NAV1: variants seen among roughly 807,000 people sequenced by gnomAD.
The protein encoded by NAV1 is pore membrane and/or filament interacting like protein 3.
NAV1 carries 18 observed loss-of-function variants against 175.2 expected under a neutral mutation model. The ratio of observed to expected loss-of-function variants is 0.10; its 90% CI spans 0.07 to 0.15. The LOEUF (loss-of-function observed/expected upper bound fraction) is 0.15. NAV1 is among the 10% of genes least tolerant of loss of function. The probability of loss-of-function intolerance (pLI) is 1.00; values close to 1 mark genes in which losing one functional copy is unlikely to be tolerated. For missense variants in NAV1, 1,731 were observed against 2,436.6 expected (o/e 0.71, Z 6.10); for synonymous variants, 897 against 978.7 (o/e 0.92, Z 1.56).
chr1:201,651,505 A>G (rs1046828889), intron 1 of NAV1, among the ~76,000 whole-genome samples: 1 of 152,166 alleles, frequency 6.6e-6, no homozygotes, highest in Non-Finnish European at 1.5e-5. Flanking sequence ...TTCTCAAAGC[A>G]CACTGACACT....
intron 3 of NAV1, among the ~76,000 whole-genome samples, chr1:201,746,960 T>C (rs1673806561): frequency 6.7e-6 from 1 of 149,154 alleles, no homozygotes; most frequent in Middle Eastern, 3.5e-3. Context: ...GCTCCAGTCA[T>C]GCCAATGCAC....
chr1:201,826,092 C>T (rs1679654787), exon 30 of NAV1: 1 of 152,226 alleles, frequency 6.6e-6, no homozygotes, highest in East Asian at 1.9e-4. Flanking sequence ...TCAATTTTCC[C>T]TGTATGAGAA....
intron 1 of NAV1, among the ~76,000 whole-genome samples, chr1:201,681,058 T>G (rs1037466035): frequency 6.6e-6 from 1 of 152,164 alleles, no homozygotes; most frequent in Non-Finnish European, 1.5e-5. Context: ...ACTTCCCTCC[T>G]TCCAGTTCAC....
chr1:201,748,090 A>G (rs1004674868), intron 3 of NAV1, among the ~76,000 whole-genome samples: 2 of 152,198 alleles, frequency 1.3e-5, no homozygotes, highest in African/African-American at 4.8e-5. Flanking sequence ...AAAACTTCAT[A>G]AAGACTACTC....
intron 3 of NAV1, among the ~76,000 whole-genome samples, chr1:201,733,123 G>A (rs1198079900): frequency 6.6e-6 from 1 of 150,778 alleles, no homozygotes; most frequent in African/African-American, 2.4e-5. Flanking sequence ...GCTTATGCCT[G>A]TAATCCCAGC....
At chr1:201,595,378 T>A (rs755561641) in intron 2 of NAV1, among the ~76,000 whole-genome samples, 3 of 152,240 alleles carry the variant, frequency 2.0e-5, no homozygotes, top group Non-Finnish European at 2.9e-5. Context: ...TCCTTTCAAC[T>A]AAAGCTTTCT....
chr1:201,717,424 T>C (rs929166381), intron 2 of NAV1, among the ~76,000 whole-genome samples: 1 of 152,218 alleles, frequency 6.6e-6, no homozygotes, highest in African/African-American at 2.4e-5. Flanking sequence ...TAGATGGAAT[T>C]ATGGGTCTCA....
intron 2 of NAV1, among the ~76,000 whole-genome samples, chr1:201,716,482 T>C (rs1186970225): frequency 6.6e-6 from 1 of 152,156 alleles, no homozygotes; most frequent in East Asian, 1.9e-4. Flanking sequence ...TCGGGGCACA[T>C]CGGTTTCTGT....
chr1:201,804,379 G>A (rs1571509739), intron 16 of NAV1, 110 bp from the exon 21 acceptor site: 3 of 1,141,868 alleles, frequency 2.6e-6, no homozygotes, highest in Non-Finnish European at 2.5e-6. Context: ...CACACCCCCA[G>A]ACCTTTGTAT....
chr1:201,645,871 G>A (rs73084586), upstream of NAV1, among the ~76,000 whole-genome samples: 1 of 152,326 alleles, frequency 6.6e-6, no homozygotes, highest in East Asian at 1.9e-4. Flanking sequence ...TTTAGGAAAG[G>A]TGTGGTTCTC....
At chr1:201,608,894 A>C (rs1481252564) in intron 2 of NAV1, among the ~76,000 whole-genome samples, 2 of 152,180 alleles carry the variant, frequency 1.3e-5, no homozygotes, top group Admixed American at 1.3e-4. Context: ...GCTCAAGCAC[A>C]GTTTTAGCTT....
At chr1:201,760,921 T>C (rs1674796684) in intron 3 of NAV1, among the ~76,000 whole-genome samples, 1 of 152,202 alleles carries the variant, frequency 6.6e-6, no homozygotes. Context: ...TAGCATCCAA[T>C]ATTCTTCTCT....
At chr1:201,771,177 T>A (rs1265886308) in intron 3 of NAV1, among the ~76,000 whole-genome samples, 2 of 146,950 alleles carry the variant, frequency 1.4e-5, no homozygotes, top group Non-Finnish European at 3.0e-5. Context: ...AGGCAGAGCT[T>A]GCAGTGAGCC....
intron 2 of NAV1, among the ~76,000 whole-genome samples, chr1:201,610,663 G>A (rs1667818339): frequency 6.6e-6 from 1 of 152,216 alleles, no homozygotes; most frequent in Non-Finnish European, 1.5e-5. Context: ...GACACAGGCT[G>A]GGGTGGTGGA....
chr1:201,607,036 C>T (rs774227689), intron 2 of NAV1, among the ~76,000 whole-genome samples: 17 of 151,894 alleles, frequency 1.1e-4, no homozygotes, highest in Non-Finnish European at 2.1e-4. Context: ...GGATGTTTGT[C>T]GCACTGTTAT....
exon 25 of NAV1, chr1:201,811,614 G>C (rs921114294): frequency 3.1e-6 from 5 of 1,614,120 alleles, no homozygotes; most frequent in Non-Finnish European, 4.2e-6. Context: ...ATCTGCAACT[G>C]TATCTTTCCA....
chr1:201,632,777 A>T (rs1471589586), intron 2 of NAV1, among the ~76,000 whole-genome samples: 1 of 152,226 alleles, frequency 6.6e-6, no homozygotes, highest in Non-Finnish European at 1.5e-5. Flanking sequence ...TGGGTGGGGC[A>T]GTGTGGAGTT....
intron 1 of NAV1, among the ~76,000 whole-genome samples, chr1:201,553,992 T>A (rs1665941768): frequency 6.6e-6 from 1 of 152,162 alleles, no homozygotes; most frequent in Non-Finnish European, 1.5e-5. Flanking sequence ...CCTTAGTGGA[T>A]GTTTAAAGTG....
At chr1:201,568,724 G>A (rs905859732) in intron 1 of NAV1, among the ~76,000 whole-genome samples, 1 of 152,164 alleles carries the variant, frequency 6.6e-6, no homozygotes, top group African/African-American at 2.4e-5. Flanking sequence ...TATAAACAAT[G>A]CGTGTTTGCA....
Sources: allele counts gnomAD v4.1 joint callset (sites outside exome capture counted in the v4.1 genomes callset), GRCh38; gene constraint gnomAD v4.1.1; transcripts MANE v1.5; gene names NCBI Gene and HGNC (gene_info 2026-07-23, HGNC 2026-07-21).